ERAP1: variants seen among roughly 807,000 people sequenced by gnomAD.
ERAP1 encodes adipocyte-derived leucine aminopeptidase.
In ERAP1, 86 loss-of-function variants were observed where a neutral mutation model predicts 103.7. That is an observed-to-expected ratio of 0.83 (90% confidence interval 0.70 to 0.99). ERAP1 has a LOEUF of 0.99. Ranked by LOEUF, ERAP1 falls within the 50% of genes least tolerant of loss-of-function variation. The probability of loss-of-function intolerance (pLI) is 0.00; values close to 1 mark genes in which losing one functional copy is unlikely to be tolerated. For synonymous variants in ERAP1, 398 were observed against 402.4 expected (o/e 0.99, Z 0.13); for missense variants, 1,009 against 1,128.4 (o/e 0.89, Z 1.52).
At chr5:96,770,412 T>G, downstream of ERAP1, 1 of 645,012 alleles carries the variant, frequency 1.6e-6, no homozygotes, top group South Asian at 1.8e-5. Flanking sequence ...ACCCAAAGTC[T>G]TCCATTATTT....
rs370818718 is a variant in ERAP1, at chr5:96,797,223, G to T, written c.750C>A (p.Ile250=). The T allele has an allele frequency of 6.2e-7, 1 of 1,614,162 alleles. No homozygotes were observed. The highest frequency in any genetic ancestry group is 1.1e-5 in the South Asian group (1 of 91,080). ...TGCTGACAGACTCAAAATCTGAAAT[G>T]ATGAAGGCCACCAGATAGGTGCTCA... is the stretch of plus-strand genomic sequence containing the variant. ...VKMSTYLVAF[I]ISDFESVSKI... The change falls in exon 4 of 19, where the codon ATC becomes ATA. Residue 250 remains isoleucine, a synonymous_variant. Transcript: ENST00000443439.
At chr5:96,780,962 C>G in intron 17 of ERAP1, 96 bp downstream of exon 17, 1 of 1,441,734 alleles carries the variant, frequency 6.9e-7, no homozygotes, top group South Asian at 1.2e-5. Flanking sequence ...CAAAAAGTAC[C>G]TTTAGACTGT....
chr5:96,826,578 G>A, the ERAP1 span, among the ~76,000 whole-genome samples: 4 of 152,138 alleles, frequency 2.6e-5, no homozygotes, highest in South Asian at 4.1e-4. Context: ...AATGGGTGTC[G>A]TGGTGGATGA....
chr5:96,844,806 T>A, the ERAP1 span, among the ~76,000 whole-genome samples: 8 of 152,238 alleles, frequency 5.3e-5, no homozygotes, highest in African/African-American at 1.9e-4. Context: ...TTGGCGAGAA[T>A]TGCTCAAACT....
chr5:96,800,637 A>C (rs62364753), intron 3 of ERAP1, among the ~76,000 whole-genome samples: 10,803 of 152,316 alleles, frequency 0.071, 447 homozygotes, highest in Middle Eastern at 0.14. Flanking sequence ...TATAACCTGG[A>C]ATGGCACTGT....
chr5:96,883,870 C>A, the ERAP1 span: 1 of 1,613,734 alleles, frequency 6.2e-7, no homozygotes, highest in South Asian at 1.1e-5. Flanking sequence ...TGTTCAAAGC[C>A]AACTTTTCAA....
At chr5:96,807,776 C>T in intron 1 of ERAP1, 84 bp downstream of exon 1, 4 of 940,190 alleles carry the variant, frequency 4.3e-6, no homozygotes, top group Non-Finnish European at 5.1e-6. Context: ...CTCAGCCCCC[C>T]ACTTGACGGG....
At chr5:96,768,483 GTAT>G (rs892986000) in intron 19 of ERAP1, 2 of 420,006 alleles carry the variant, frequency 4.8e-6, no homozygotes, top group African/African-American at 4.2e-5. Flanking sequence ...CCCCAAAACA[GTAT>G]TATTTTGTGG....
chr5:96,803,958 G>A lies in ERAP1; in HGVS notation c.-17-15C>T. On this transcript the variant is annotated splice_polypyrimidine_tract_variant and intron_variant, in intron 1 of 18. Coordinates refer to ENST00000443439, the MANE Select transcript of ERAP1 (RefSeq NM_001040458.3). The stretch of plus-strand genomic sequence containing the variant: ...GCTCTACCTACCTAGCGGCACAAAT[G>A]TACAAAAGCAAAAATATATGTCATT... 2 of 1,600,298 alleles carry A rather than the reference G, an allele frequency of 1.2e-6. No homozygotes were observed.
At chr5:96,929,461 T>G in the ERAP1 span, among the ~76,000 whole-genome samples, 1 of 131,064 alleles carries the variant, frequency 7.6e-6, no homozygotes, top group Admixed American at 7.4e-5. Context: ...TTTTCCTTCC[T>G]TCCTTCCTTT....
In ERAP1 at chr5:96,793,443, A is replaced by T. The variant is rs999329398; in HGVS notation, c.1145T>A (p.Met382Lys). 10 of 1,613,884 alleles carry T rather than the reference A, an allele frequency of 6.2e-6. No homozygotes were observed. Among genetic ancestry groups the T allele is most frequent in the Non-Finnish European group, 7.6e-6 (9 of 1,179,918 alleles). The change falls in exon 7 of 19, where the codon ATG becomes AAG. Residue 382 changes from methionine to lysine, a missense_variant. By Grantham distance (95) the Met-to-Lys change is moderately conservative. Around this residue, in one of 3 missense-constraint regions of ERAP1, gnomAD observed 392 missense variants for 455.2 expected, o/e 0.86. Transcript: ENST00000443439. ...GGTCACACTGACAGACACAAACTCCATAAATTTGGCAAATCCTTCATTTAG... is the reference window on the plus strand; with the variant it reads ...GGTCACACTGACAGACACAAACTCCTTAAATTTGGCAAATCCTTCATTTAG... ...LWLNEGFAKF[M>K]EFVSVSVTHP... is the part of the protein sequence containing the mutation.
At chr5:96,794,137 A>G (rs1224566434) in intron 5 of ERAP1, among the ~76,000 whole-genome samples, 180 bp from the exon 6 acceptor site, 2 of 147,242 alleles carry the variant, frequency 1.4e-5, no homozygotes, top group African/African-American at 5.0e-5. Flanking sequence ...TCACTTTGCT[A>G]TAAATGTGGC....
chr5:96,869,206 T>C, the ERAP1 span, among the ~76,000 whole-genome samples: 2 of 151,990 alleles, frequency 1.3e-5, no homozygotes, highest in African/African-American at 4.8e-5. Context: ...GAGTGACCTG[T>C]CTTATTAGTC....
downstream of ERAP1, chr5:96,770,686 C>A: frequency 1.1e-6 from 1 of 905,206 alleles, no homozygotes; most frequent in Non-Finnish European, 1.8e-6. Context: ...TAGTTTCCTA[C>A]TGGAATCTAT....
Position 96,780,522 on chromosome 5 carries a change from C to A in ERAP1, c.2589-18G>T, listed in dbSNP as rs1775011905. 1.3e-6 allele frequency: 2 copies of A among 1,581,138 alleles called. No individual in the cohort carries two copies. Among genetic ancestry groups the A allele is most frequent in the Non-Finnish European group, 1.7e-6 (2 of 1,150,528 alleles). On this transcript the variant is annotated intron_variant, in intron 17 of 18. Transcript: ENST00000443439. ...GTTCAAACCTAGAGAGGGAAATATTCAAAAACGGGTTGTGAAATACTTATT... is the reference window on the plus strand; with the variant it reads ...GTTCAAACCTAGAGAGGGAAATATTAAAAAACGGGTTGTGAAATACTTATT...
the ERAP1 span, among the ~76,000 whole-genome samples, chr5:96,931,893 CT>C: frequency 6.6e-6 from 1 of 152,198 alleles, no homozygotes; most frequent in South Asian, 2.1e-4. Flanking sequence ...TGAAGATTAT[CT>C]TATCAGTGGA....
Position 96,785,794 on chromosome 5 carries a change from A to C in ERAP1, c.1937T>G (p.Leu646Arg). 1 of 1,614,142 alleles carries C rather than the reference A, an allele frequency of 6.2e-7. No individual in the cohort carries two copies. The highest frequency in any genetic ancestry group is 8.5e-7 in the Non-Finnish European group (1 of 1,179,992). The part of the protein sequence containing the change: ...RASLINNAFQ[L>R]VSIGKLSIEK... ...TTTGTGCAGCGTGTATTACCTGACG[A>C]GCTGAAATGCATTGTTAATGAGACT... Residue 646 changes from leucine to arginine, a missense_variant, in exon 13 of 19, where the codon CTC (leucine) becomes CGC (arginine). Leu to Arg is a moderately radical substitution (Grantham distance 102). Coordinates refer to ENST00000443439, the MANE Select transcript of ERAP1 (RefSeq NM_001040458.3).
At chr5:96,879,362 GT>G in the ERAP1 span, among the ~76,000 whole-genome samples, 2 of 152,186 alleles carry the variant, frequency 1.3e-5, no homozygotes, top group East Asian at 3.8e-4. Context: ...TTAAGGTAGG[GT>G]TTTTTGGGGG....
intron 18 of ERAP1, 179 bp from the exon 19 acceptor site, chr5:96,776,730 A>T: frequency 1.2e-6 from 1 of 819,000 alleles, no homozygotes; most frequent in Non-Finnish European, 1.8e-6. Context: ...ATGCCTCATG[A>T]TGTCAAGTTC....
Sources: gnomAD v4.1 joint callset for allele counts (sites outside exome capture counted in the v4.1 genomes callset) on GRCh38, gnomAD v4.1.1 for gene constraint, gnomAD v4.1.1 regional missense constraint, MANE v1.5 for transcripts, NCBI Gene and HGNC (gene_info 2026-07-23, HGNC 2026-07-21) for gene names.